Variants in KIF6 observed in about 807,000 individuals in gnomAD.
The protein encoded by KIF6 is kinesin-like protein KIF6.
A neutral mutation model predicts 112.7 loss-of-function variants in KIF6; 106 were observed. The ratio of observed to expected loss-of-function variants is 0.94; its 90% CI spans 0.80 to 1.11. The LOEUF (loss-of-function observed/expected upper bound fraction) is 1.11, where lower values mean the gene tolerates loss of function less well. Among genes scored for constraint, KIF6 ranks in the 50% least tolerant of loss-of-function variants. The pLI, the probability that KIF6 is intolerant of heterozygous loss-of-function variation, is 0.00. For synonymous variants in KIF6, 339 were observed against 339.9 expected (o/e 1.00, Z 0.03); for missense variants, 929 against 964.0 (o/e 0.96, Z 0.48).
chr6:39,648,117 G>A (rs1393286236), intron 3 of KIF6, among the ~76,000 whole-genome samples: 2 of 148,602 alleles, frequency 1.3e-5, no homozygotes, highest in African/African-American at 5.0e-5. Context: ...TCTGCCTCCC[G>A]GGTTCAAGCG....
intron 13 of KIF6, among the ~76,000 whole-genome samples, chr6:39,507,885 C>A (rs1316855311): frequency 6.7e-6 from 1 of 148,600 alleles, no homozygotes; most frequent in Non-Finnish European, 1.5e-5. Context: ...TCTTTCTTTC[C>A]TTTCTCTCTC....
At chr6:39,366,203 C>T (rs111494791) in intron 16 of KIF6, among the ~76,000 whole-genome samples, 11 of 152,260 alleles carry the variant, frequency 7.2e-5, no homozygotes, top group South Asian at 2.1e-4. Flanking sequence ...CCATTCCCTG[C>T]GCAACACCAC....
Position 39,464,943 on chromosome 6 carries a change from A to T in KIF6, c.1646-33782T>A, listed in dbSNP as rs537202724. On this transcript the variant is annotated intron_variant, in intron 13 of 22. Transcript: ENST00000287152. The stretch of plus-strand genomic sequence containing the variant: ...GCAAAAGAAAGCCTATACAAAAGAA[A>T]TCTGGTTTTGTGCTTGTTAGCCACT... Among the ~76,000 whole-genome samples the T allele has an allele frequency of 2.6e-5, 4 of 152,358 alleles. No homozygotes were observed. In the South Asian group the frequency reaches 8.3e-4, roughly 32 times the overall value.
chr6:39,535,210 C>T (rs773867909), intron 13 of KIF6, among the ~76,000 whole-genome samples: 14 of 152,120 alleles, frequency 9.2e-5, no homozygotes, highest in Non-Finnish European at 1.6e-4. Context: ...TCACACATAA[C>T]AATACTAACT....
At chr6:39,644,574 G>T (rs1417898420) in intron 3 of KIF6, among the ~76,000 whole-genome samples, 1 of 152,120 alleles carries the variant, frequency 6.6e-6, no homozygotes, top group Non-Finnish European at 1.5e-5. Context: ...ATGATATATT[G>T]TGATTCTATT....
At chr6:39,439,919 T>C (rs1205591214) in intron 13 of KIF6, among the ~76,000 whole-genome samples, 2 of 152,232 alleles carry the variant, frequency 1.3e-5, no homozygotes, top group East Asian at 3.8e-4. Context: ...TGGCTGCTCC[T>C]AAACAACCTA....
At chr6:39,352,304 A>G (rs558602288) in intron 19 of KIF6, among the ~76,000 whole-genome samples, 104 of 152,346 alleles carry the variant, frequency 6.8e-4, no homozygotes, top group African/African-American at 2.3e-3. Flanking sequence ...TGGTTTATGC[A>G]GGGGTTCACT....
At chr6:39,669,412 C>T (rs886376917) in intron 3 of KIF6, among the ~76,000 whole-genome samples, 4 of 152,200 alleles carry the variant, frequency 2.6e-5, no homozygotes, top group Non-Finnish European at 4.4e-5. Context: ...GACATAGAGG[C>T]TCTCCACAGA....
chr6:39,541,064 A>T (rs1778757438), intron 12 of KIF6, among the ~76,000 whole-genome samples: 1 of 152,216 alleles, frequency 6.6e-6, no homozygotes, highest in Non-Finnish European at 1.5e-5. Context: ...AGATGAATTC[A>T]ATGCCTTTGC....
chr6:39,541,487 G>A (rs1206506651), intron 12 of KIF6, among the ~76,000 whole-genome samples: 1 of 152,228 alleles, frequency 6.6e-6, no homozygotes, highest in Non-Finnish European at 1.5e-5. Flanking sequence ...CACACACTGT[G>A]ATGGCAATAT....
chr6:39,658,695 C>T (rs1490389848), intron 3 of KIF6, among the ~76,000 whole-genome samples: 1 of 152,126 alleles, frequency 6.6e-6, no homozygotes, highest in African/African-American at 2.4e-5. Context: ...CAGAGTCATA[C>T]ATTAAATAAT....
intron 1 of KIF6, among the ~76,000 whole-genome samples, chr6:39,724,331 T>A (rs1222859932): frequency 1.3e-5 from 2 of 151,764 alleles, no homozygotes; most frequent in Non-Finnish European, 1.5e-5. Flanking sequence ...CGGGCACCTG[T>A]AGTCCCAGCT....
intron 15 of KIF6, among the ~76,000 whole-genome samples, chr6:39,398,695 C>A (rs1447356867): frequency 6.6e-6 from 1 of 152,202 alleles, no homozygotes; most frequent in African/African-American, 2.4e-5. Context: ...ATTCTGTCTT[C>A]AGAAACACAG....
chr6:39,429,907 C>CAA (rs34662235), intron 14 of KIF6, among the ~76,000 whole-genome samples: 4 of 141,234 alleles, frequency 2.8e-5, no homozygotes, highest in Non-Finnish European at 4.7e-5. Flanking sequence ...GACTCTGTCT[C>CAA]AAAAAAAAAA....
intron 13 of KIF6, among the ~76,000 whole-genome samples, chr6:39,474,594 T>G (rs758826397): frequency 2.0e-5 from 3 of 152,228 alleles, no homozygotes; most frequent in Admixed American, 1.3e-4. Flanking sequence ...GGGTAATAAG[T>G]GATCACAAAA....
intron 5 of KIF6, among the ~76,000 whole-genome samples, chr6:39,616,654 A>G (rs973257579): frequency 1.3e-4 from 20 of 152,132 alleles, no homozygotes; most frequent in African/African-American, 4.8e-4. Flanking sequence ...GGACTTTCCC[A>G]TACTGCCCCG....
At chr6:39,516,587 G>A (rs1777098844) in intron 13 of KIF6, among the ~76,000 whole-genome samples, 1 of 151,608 alleles carries the variant, frequency 6.6e-6, no homozygotes, top group African/African-American at 2.4e-5. Flanking sequence ...AGTGGGAGAA[G>A]CCTGGGAGAC....
chr6:39,343,686 G>T lies in KIF6; in HGVS notation c.2428+23C>A. The T allele has an allele frequency of 6.4e-7, 1 of 1,552,458 alleles. No homozygotes were observed. Among genetic ancestry groups the T allele is most frequent in the Non-Finnish European group, 8.8e-7 (1 of 1,136,746 alleles). Reference sequence around the variant, plus strand: ...GTTGGTGACCTGCTGCCCAGGAGGAGCCACCGAGGGAGGTGCACTTACATT... The same window carrying T: ...GTTGGTGACCTGCTGCCCAGGAGGATCCACCGAGGGAGGTGCACTTACATT... On this transcript the variant is annotated intron_variant, in intron 22 of 22. Coordinates refer to ENST00000287152, the MANE Select transcript of KIF6 (RefSeq NM_145027.6). This position sits in a 1 kb window ranked among gnomAD's most constrained non-coding sequence, Gnocchi z 4.1.
intron 13 of KIF6, among the ~76,000 whole-genome samples, chr6:39,483,510 C>G (rs1774932816): frequency 6.6e-6 from 1 of 152,190 alleles, no homozygotes. Context: ...GTACCTTTGT[C>G]TGACATGCCA....
Sources: gnomAD v4.1 joint callset for allele counts (sites outside exome capture counted in the v4.1 genomes callset) on GRCh38, gnomAD v4.1.1 for gene constraint, Gnocchi (gnomAD v3.1) non-coding constraint, MANE v1.5 for transcripts, NCBI Gene and HGNC (gene_info 2026-07-23, HGNC 2026-07-21) for gene names.